The following AK9 variants were observed in gnomAD, a reference collection of about 807,000 sequenced individuals.
The protein encoded by AK9 is adenylate kinase 9.
In AK9, 191 loss-of-function variants were observed where a neutral mutation model predicts 239.6. The observed-to-expected ratio is 0.80, with a 90% CI of 0.71 to 0.90. The LOEUF is 0.90. Among genes scored for constraint, AK9 ranks in the 40% least tolerant of loss-of-function variants. AK9 has a pLI of 0.00. For synonymous variants in AK9, 689 were observed against 721.0 expected (o/e 0.96, Z 0.71); for missense variants, 1,995 against 2,214.7 (o/e 0.90, Z 1.99).
chr6:109,593,291 T>C (rs1423120583), intron 17 of AK9, among the ~76,000 whole-genome samples: 1 of 151,948 alleles, frequency 6.6e-6, no homozygotes, highest in African/African-American at 2.4e-5. Context: ...TGGATCTCAT[T>C]GAGTTTCTCT....
At chr6:109,667,054 G>A (rs540419587) in intron 5 of AK9, among the ~76,000 whole-genome samples, 1 of 152,256 alleles carries the variant, frequency 6.6e-6, no homozygotes, top group Non-Finnish European at 1.5e-5. Context: ...ATATAGCTCC[G>A]AGAAGCTGAT....
chr6:109,512,580 T>C (rs1215342405), intron 32 of AK9, among the ~76,000 whole-genome samples: 1 of 152,200 alleles, frequency 6.6e-6, no homozygotes, highest in Non-Finnish European at 1.5e-5. Flanking sequence ...AATAAACTTT[T>C]CATCTGAAGA....
At chr6:109,617,899 G>A (rs1241911632) in intron 13 of AK9, among the ~76,000 whole-genome samples, 2 of 152,124 alleles carry the variant, frequency 1.3e-5, no homozygotes, top group Non-Finnish European at 2.9e-5. Flanking sequence ...CTTGCTGGCT[G>A]TTGACTCTTA....
At chr6:109,641,459 G>A (rs926028196) in intron 10 of AK9, 59 bp downstream of exon 10, 3 of 1,389,702 alleles carry the variant, frequency 2.2e-6, no homozygotes, top group Non-Finnish European at 3.0e-6. Context: ...GTGAGCCACT[G>A]CACCCTGCCC....
chr6:109,616,204 A>T (rs1177264607), intron 13 of AK9, among the ~76,000 whole-genome samples: 1 of 152,206 alleles, frequency 6.6e-6, no homozygotes, highest in Non-Finnish European at 1.5e-5. Context: ...TTATGTGATT[A>T]GCTCTCTGGA....
chr6:109,641,899 T>C (rs972370486), intron 9 of AK9, among the ~76,000 whole-genome samples: 8 of 152,180 alleles, frequency 5.3e-5, no homozygotes, highest in African/African-American at 1.9e-4. Flanking sequence ...TAAGGTCACA[T>C]TCATAGGTAT....
chr6:109,550,693 T>A (rs1784253227), intron 24 of AK9, among the ~76,000 whole-genome samples: 2 of 152,208 alleles, frequency 1.3e-5, no homozygotes, highest in South Asian at 4.1e-4. Flanking sequence ...GCAAATTAAA[T>A]GAGAGATGCC....
intron 17 of AK9, 35 bp downstream of exon 17, chr6:109,610,330 G>A (rs1213089399): frequency 6.5e-7 from 1 of 1,542,150 alleles, no homozygotes; most frequent in African/African-American, 1.4e-5. Flanking sequence ...TAATAGTTAA[G>A]TCACTGATAA....
At chr6:109,595,119 G>C (rs1395010968) in intron 17 of AK9, among the ~76,000 whole-genome samples, 1 of 152,146 alleles carries the variant, frequency 6.6e-6, no homozygotes, top group East Asian at 1.9e-4. Flanking sequence ...ATCTGACAAA[G>C]GGCTAATATC....
At chr6:109,608,392 C>T (rs1026952000) in intron 17 of AK9, among the ~76,000 whole-genome samples, 57 of 151,392 alleles carry the variant, frequency 3.8e-4, no homozygotes, top group African/African-American at 1.2e-3. Flanking sequence ...ACATATATGG[C>T]CACTTGATAT....
chr6:109,573,532 C>T lies in AK9; in HGVS notation c.2254G>A (p.Glu752Lys), dbSNP rs376413273. Residue 752 changes from glutamate (E) to lysine (K), a missense_variant, in exon 21 of 41, where the codon GAA becomes AAA. This residue lies in a region of AK9 where 1,290 missense variants were observed against 1,392.7 expected (regional missense o/e 0.93). Coordinates refer to ENST00000424296, the MANE Select transcript of AK9 (RefSeq NM_001145128.3). ...GTATCGTGAGATGCCTCAGGCTCTT[C>T]GTGAACTTCCAACTCATCACCTTCA... ...EIEGDELEVH[E>K]EPEASHDTRG... The T allele has an allele frequency of 2.9e-5, 45 of 1,551,236 alleles. No homozygotes were observed. In the East Asian group the frequency reaches 4.4e-4, roughly 15 times the overall value.
At chr6:109,495,884 C>A (rs969111148) in intron 38 of AK9, among the ~76,000 whole-genome samples, 4 of 152,006 alleles carry the variant, frequency 2.6e-5, no homozygotes, top group Admixed American at 6.6e-5. Flanking sequence ...AGGCATCTTA[C>A]TACAGCACCT....
intron 26 of AK9, among the ~76,000 whole-genome samples, chr6:109,543,061 G>A (rs114365534): frequency 0.021 from 3,162 of 152,104 alleles, 98 homozygotes; most frequent in African/African-American, 0.073. Context: ...AGCCAAACAG[G>A]CAGCCATCTG....
intron 6 of AK9, among the ~76,000 whole-genome samples, chr6:109,660,709 T>C (rs1583473832): frequency 6.6e-6 from 1 of 152,160 alleles, no homozygotes; most frequent in Non-Finnish European, 1.5e-5. Context: ...AAATGACTAA[T>C]GAAAGTGTGA....
At chr6:109,665,437 T>A (rs4947011) in intron 5 of AK9, among the ~76,000 whole-genome samples, 88,158 of 151,594 alleles carry the variant, frequency 0.58, 27,281 homozygotes, top group East Asian at 0.84. Flanking sequence ...TCTCAAGAAA[T>A]GGGCCAGACC....
At chr6:109,600,231 T>C (rs1791721828) in intron 17 of AK9, among the ~76,000 whole-genome samples, 2 of 152,214 alleles carry the variant, frequency 1.3e-5, no homozygotes, top group African/African-American at 2.4e-5. Flanking sequence ...AAATAGCTCT[T>C]ATTATTTTGA....
intron 12 of AK9, among the ~76,000 whole-genome samples, chr6:109,628,247 G>A (rs1177509079): frequency 1.3e-5 from 2 of 152,116 alleles, no homozygotes; most frequent in Admixed American, 6.5e-5. Context: ...CAACCTGTAG[G>A]AGCCATCCTT....
chr6:109,650,425 T>G (rs778004390), intron 8 of AK9, among the ~76,000 whole-genome samples: 1 of 151,708 alleles, frequency 6.6e-6, no homozygotes, highest in Non-Finnish European at 1.5e-5. Flanking sequence ...GCAAAGGATA[T>G]GAACAGACAC....
intron 26 of AK9, among the ~76,000 whole-genome samples, chr6:109,542,736 T>C (rs553422169): frequency 6.6e-6 from 1 of 152,342 alleles, no homozygotes; most frequent in South Asian, 2.1e-4. Context: ...GGCTATTTTC[T>C]ATAAACCAAT....
Sources: gnomAD v4.1 joint callset for allele counts (sites outside exome capture counted in the v4.1 genomes callset) on GRCh38, gnomAD v4.1.1 for gene constraint, gnomAD v4.1.1 regional missense constraint, MANE v1.5 for transcripts, NCBI Gene and HGNC (gene_info 2026-07-23, HGNC 2026-07-21) for gene names.